Variants in SNX18 observed in about 807,000 individuals in gnomAD.
SNX18 encodes sorting nexin-18.
Under a neutral mutation model 48.7 loss-of-function variants are expected in SNX18, and 35 were observed. That is an observed-to-expected ratio of 0.72 (90% CI 0.55 to 0.95). SNX18 has a LOEUF of 0.95. SNX18 is among the 40% of genes least tolerant of loss of function. The pLI is 0.00. For synonymous variants in SNX18, 492 were observed against 384.7 expected (o/e 1.28, Z -3.26); for missense variants, 824 against 871.0 (o/e 0.95, Z 0.68).
the SNX18 span, among the ~76,000 whole-genome samples, chr5:54,575,678 T>A: frequency 6.6e-6 from 1 of 152,058 alleles, no homozygotes. Context: ...CCCCTTTTTT[T>A]AAACCTAAAG....
At chr5:54,596,823 C>T in the SNX18 span, among the ~76,000 whole-genome samples, 3 of 152,294 alleles carry the variant, frequency 2.0e-5, no homozygotes, top group African/African-American at 7.2e-5. Flanking sequence ...GTGCCCCTTT[C>T]CCCTCCCTTT....
chr5:54,539,819 G>A (rs1163241173), intron 1 of SNX18, among the ~76,000 whole-genome samples: 1 of 109,974 alleles, frequency 9.1e-6, no homozygotes, highest in African/African-American at 4.1e-5. Context: ...ATGAGTCTTT[G>A]GGTTTTTTTG....
intron 1 of SNX18, among the ~76,000 whole-genome samples, chr5:54,541,011 T>C (rs563371992): frequency 1.3e-5 from 2 of 152,292 alleles, no homozygotes; most frequent in East Asian, 1.9e-4. Context: ...TACACTTTCC[T>C]GGTCTTTTCT....
chr5:54,539,961 T>C (rs1762433480), intron 1 of SNX18, among the ~76,000 whole-genome samples: 1 of 152,004 alleles, frequency 6.6e-6, no homozygotes, highest in Non-Finnish European at 1.5e-5. Context: ...AACCTCCGCC[T>C]CCCGGGTTGA....
At chr5:54,629,718 T>G in the SNX18 span, among the ~76,000 whole-genome samples, 32 of 152,232 alleles carry the variant, frequency 2.1e-4, no homozygotes, top group Non-Finnish European at 4.1e-4. Flanking sequence ...ACTTTCACAG[T>G]GCTTTGTACA....
At chr5:54,525,557 G>A (rs1762115059) in intron 1 of SNX18, among the ~76,000 whole-genome samples, 1 of 152,164 alleles carries the variant, frequency 6.6e-6, no homozygotes, top group Non-Finnish European at 1.5e-5. Context: ...CACACCGGAA[G>A]TAATGGCAAC....
chr5:54,588,049 G>A, the SNX18 span, among the ~76,000 whole-genome samples: 2 of 152,078 alleles, frequency 1.3e-5, no homozygotes, highest in Admixed American at 1.3e-4. Flanking sequence ...CAATCTTCTA[G>A]GGAATCCAAG....
the SNX18 span, among the ~76,000 whole-genome samples, chr5:54,563,565 A>C: frequency 6.6e-6 from 1 of 152,234 alleles, no homozygotes; most frequent in Non-Finnish European, 1.5e-5. Flanking sequence ...ATGGTCACAC[A>C]ATGATGAAAT....
chr5:54,638,487 C>A, the SNX18 span, among the ~76,000 whole-genome samples: 8 of 152,084 alleles, frequency 5.3e-5, 1 homozygote, highest in African/African-American at 1.9e-4. Context: ...TGAATAATAG[C>A]AGATTACATT....
the SNX18 span, among the ~76,000 whole-genome samples, chr5:54,611,125 G>A: frequency 2.0e-5 from 3 of 152,062 alleles, no homozygotes; most frequent in African/African-American, 7.2e-5. Flanking sequence ...TACTTTCCAG[G>A]TGCTGAGCTT....
intron 1 of SNX18, 129 bp from the exon 2 acceptor site, chr5:54,543,050 A>T: frequency 1.1e-6 from 1 of 879,964 alleles, no homozygotes; most frequent in Non-Finnish European, 1.7e-6. Flanking sequence ...TCCTCACTTT[A>T]AATTTCAAAG....
At chr5:54,589,210 C>T in the SNX18 span, among the ~76,000 whole-genome samples, 1 of 152,052 alleles carries the variant, frequency 6.6e-6, no homozygotes, top group Non-Finnish European at 1.5e-5. Flanking sequence ...CATCCCTTTT[C>T]CTCTCATTTC....
the SNX18 span, among the ~76,000 whole-genome samples, chr5:54,604,279 A>G: frequency 6.6e-6 from 1 of 152,234 alleles, no homozygotes; most frequent in Non-Finnish European, 1.5e-5. Flanking sequence ...CACCTAAAGA[A>G]TTGAAAACAG....
At chr5:54,524,526 C>T (rs937425666) in intron 1 of SNX18, among the ~76,000 whole-genome samples, 8 of 152,234 alleles carry the variant, frequency 5.3e-5, no homozygotes, top group Non-Finnish European at 7.3e-5. Flanking sequence ...CTTACAAACA[C>T]TTCCCTTGAA....
chr5:54,598,185 G>A, the SNX18 span, among the ~76,000 whole-genome samples: 1 of 152,150 alleles, frequency 6.6e-6, no homozygotes, highest in South Asian at 2.1e-4. Context: ...CTGGGAAGAA[G>A]TTGAATCCCT....
chr5:54,579,584 C>G, the SNX18 span, among the ~76,000 whole-genome samples: 37 of 152,302 alleles, frequency 2.4e-4, no homozygotes, highest in African/African-American at 8.2e-4. Context: ...GAAGCTAGAA[C>G]AGTTCGAGCT....
At chr5:54,563,586 T>C in the SNX18 span, among the ~76,000 whole-genome samples, 1 of 152,186 alleles carries the variant, frequency 6.6e-6, no homozygotes, top group South Asian at 2.1e-4. Flanking sequence ...CACATAATGA[T>C]GCATTTCTCA....
the SNX18 span, among the ~76,000 whole-genome samples, chr5:54,564,482 G>C: frequency 6.6e-6 from 1 of 152,110 alleles, no homozygotes; most frequent in Non-Finnish European, 1.5e-5. Flanking sequence ...GTATACACTT[G>C]GTGGCTTAAA....
At chr5:54,627,811 G>A in the SNX18 span, among the ~76,000 whole-genome samples, 1 of 152,178 alleles carries the variant, frequency 6.6e-6, no homozygotes, top group Admixed American at 6.5e-5. Flanking sequence ...CCCTCTATAA[G>A]GGTGCCCTGC....
Sources: allele counts gnomAD v4.1 joint callset (sites outside exome capture counted in the v4.1 genomes callset), GRCh38; gene constraint gnomAD v4.1.1; transcripts MANE v1.5; gene names NCBI Gene and HGNC (gene_info 2026-07-23, HGNC 2026-07-21).